RTN4: variants seen among roughly 807,000 people sequenced by gnomAD.
RTN4 encodes the protein reticulon 4.
RTN4 carries 32 observed loss-of-function variants against 90.4 expected under a neutral mutation model. The ratio of observed to expected loss-of-function variants is 0.35; its 90% CI spans 0.27 to 0.48. RTN4 has a LOEUF of 0.48. Among genes scored for constraint, RTN4 ranks in the 20% least tolerant of loss-of-function variants. The pLI is 0.99. For synonymous variants in RTN4, 629 were observed against 552.5 expected (o/e 1.14, Z -1.94); for missense variants, 1,706 against 1,430.2 (o/e 1.19, Z -3.11).
chr2:55,120,887 T>A, the RTN4 span, among the ~76,000 whole-genome samples: 1 of 152,144 alleles, frequency 6.6e-6, no homozygotes, highest in Non-Finnish European at 1.5e-5. Flanking sequence ...AGGCAGCAGC[T>A]GCTCCAGACA....
chr2:55,056,748 T>G (rs1668197281), intron 2 of RTN4, among the ~76,000 whole-genome samples: 1 of 152,186 alleles, frequency 6.6e-6, no homozygotes, highest in African/African-American at 2.4e-5. Flanking sequence ...AATTTAGAAA[T>G]TATTGTTGAA....
At chr2:55,114,263 C>T (rs1349934474), upstream of RTN4, among the ~76,000 whole-genome samples, 1 of 152,136 alleles carries the variant, frequency 6.6e-6, no homozygotes, top group African/African-American at 2.4e-5. Context: ...TGTTCCACCT[C>T]TCTCTTTTGT....
At chr2:54,998,560 C>T (rs184333561) in intron 3 of RTN4, among the ~76,000 whole-genome samples, 10 of 152,222 alleles carry the variant, frequency 6.6e-5, no homozygotes, top group African/African-American at 9.6e-5. Flanking sequence ...ACAAATAATG[C>T]TTTCAGGTAA....
At chr2:55,128,352 C>G in the RTN4 span, among the ~76,000 whole-genome samples, 52 of 152,272 alleles carry the variant, frequency 3.4e-4, no homozygotes, top group Admixed American at 2.9e-3. Context: ...ACAGCAATAG[C>G]TTAAAGCTCT....
At chr2:55,114,845 A>G (rs112191975), upstream of RTN4, among the ~76,000 whole-genome samples, 10 of 152,156 alleles carry the variant, frequency 6.6e-5, no homozygotes, top group African/African-American at 2.4e-4. Flanking sequence ...CGTGAAGAAT[A>G]GCCACCCCCA....
intron 1 of RTN4, among the ~76,000 whole-genome samples, chr2:55,030,797 G>A (rs1263296244): frequency 6.6e-6 from 1 of 152,156 alleles, no homozygotes; most frequent in Non-Finnish European, 1.5e-5. Flanking sequence ...ATGTACAAGT[G>A]CAACTGGTGC....
chr2:55,104,734 AT>A (rs1667912126), intron 1 of RTN4, among the ~76,000 whole-genome samples: 2 of 152,184 alleles, frequency 1.3e-5, no homozygotes, highest in East Asian at 1.9e-4. Flanking sequence ...GGAAATAATA[AT>A]TTTTTTAAAA....
the RTN4 span, among the ~76,000 whole-genome samples, chr2:55,133,931 C>T: frequency 1.3e-5 from 2 of 152,114 alleles, no homozygotes; most frequent in Admixed American, 6.5e-5. Context: ...AGTCCACAGG[C>T]AAAGCAACCC....
At chr2:55,102,840 C>T (rs1304212061) in intron 1 of RTN4, among the ~76,000 whole-genome samples, 1 of 152,010 alleles carries the variant, frequency 6.6e-6, no homozygotes, top group Admixed American at 6.6e-5. Context: ...CTATCGTGGC[C>T]GGGTGCGGTG....
chr2:54,982,677 T>C (rs902930595), intron 4 of RTN4, 24 bp from the exon 5 acceptor site: 2 of 1,579,390 alleles, frequency 1.3e-6, no homozygotes, highest in South Asian at 1.2e-5. Context: ...CACATCATAA[T>C]TGTCACTAAT....
chr2:55,098,024 T>TA (rs1167972201), intron 1 of RTN4, among the ~76,000 whole-genome samples: 1 of 152,060 alleles, frequency 6.6e-6, no homozygotes, highest in African/African-American at 2.4e-5. Flanking sequence ...CACACAATTT[T>TA]ATCAAAGGCC....
chr2:55,094,539 G>A (rs753213689), intron 1 of RTN4, among the ~76,000 whole-genome samples: 4 of 152,202 alleles, frequency 2.6e-5, no homozygotes, highest in Non-Finnish European at 4.4e-5. Context: ...GGGAAAATAC[G>A]CCACATACCA....
chr2:55,070,952 A>G (rs982668402), intron 2 of RTN4, among the ~76,000 whole-genome samples: 1 of 150,988 alleles, frequency 6.6e-6, no homozygotes, highest in Non-Finnish European at 1.5e-5. Context: ...AATTTTTTGT[A>G]TTTTTATTAG....
chr2:54,975,030 G>C (rs892270629), intron 5 of RTN4, among the ~76,000 whole-genome samples: 1 of 152,152 alleles, frequency 6.6e-6, no homozygotes, highest in Non-Finnish European at 1.5e-5. Flanking sequence ...TATACCAAGG[G>C]TGCATCTTAC....
At chr2:55,017,308 A>G (rs140230459) in intron 3 of RTN4, among the ~76,000 whole-genome samples, 2 of 152,218 alleles carry the variant, frequency 1.3e-5, no homozygotes, top group Non-Finnish European at 2.9e-5. Flanking sequence ...AGTCGTAAGA[A>G]TATCAAAACA....
intron 1 of RTN4, among the ~76,000 whole-genome samples, chr2:55,091,189 C>T (rs942467991): frequency 6.6e-5 from 10 of 152,168 alleles, no homozygotes; most frequent in Non-Finnish European, 1.3e-4. Context: ...ATGGCTCCAC[C>T]ATTTACAATC....
At chr2:55,114,414 C>T (rs1668088182), upstream of RTN4, among the ~76,000 whole-genome samples, 1 of 152,140 alleles carries the variant, frequency 6.6e-6, no homozygotes, top group Non-Finnish European at 1.5e-5. Context: ...CTGATTAACT[C>T]CAGGCCGGGC....
At chr2:55,067,701 C>G (rs1359848013) in intron 2 of RTN4, among the ~76,000 whole-genome samples, 1 of 152,114 alleles carries the variant, frequency 6.6e-6, no homozygotes, top group Non-Finnish European at 1.5e-5. Flanking sequence ...AGGCGTGAGC[C>G]CCACACCTGG....
At chr2:54,998,608 C>A (rs1679626404) in intron 3 of RTN4, among the ~76,000 whole-genome samples, 1 of 152,142 alleles carries the variant, frequency 6.6e-6, no homozygotes, top group South Asian at 2.1e-4. Flanking sequence ...AGGCTTGTCT[C>A]CCCTTACTAG....
Sources: gnomAD v4.1 joint callset for allele counts (sites outside exome capture counted in the v4.1 genomes callset) on GRCh38, gnomAD v4.1.1 for gene constraint, MANE v1.5 for transcripts, NCBI Gene and HGNC (gene_info 2026-07-23, HGNC 2026-07-21) for gene names.